RHOBTB3: variants seen among roughly 807,000 people sequenced by gnomAD.
RHOBTB3 encodes the protein Rho related BTB domain containing 3.
Under a neutral mutation model 67.2 loss-of-function variants are expected in RHOBTB3, and 47 were observed. The ratio of observed to expected loss-of-function variants is 0.70; its 90% CI spans 0.55 to 0.89. RHOBTB3 has a LOEUF of 0.89. Among genes scored for constraint, RHOBTB3 ranks in the 40% least tolerant of loss-of-function variants. The pLI, the probability that RHOBTB3 is intolerant of heterozygous loss-of-function variation, is 0.00. For synonymous variants in RHOBTB3, 273 were observed against 274.2 expected (o/e 1.00, Z 0.04); for missense variants, 631 against 750.0 (o/e 0.84, Z 1.85).
In RHOBTB3 at chr5:95,755,466, C is replaced by T; in HGVS notation, c.753C>T (p.Cys251=). 6.2e-7 allele frequency: 1 copy of T among 1,613,410 alleles called. No homozygotes were observed. The highest frequency in any genetic ancestry group is 8.5e-7 in the Non-Finnish European group (1 of 1,179,600). The change falls in exon 6 of 12, where the codon TGC becomes TGT. Residue 251 remains cysteine, a synonymous_variant. Coordinates refer to ENST00000379982, the MANE Select transcript of RHOBTB3 (RefSeq NM_014899.4). ...ACTTAAATAACTTGCTGTTCTGCTGCCAGTGTGTGGACGTGGTATTTTACA... is the reference window on the plus strand; with the variant it reads ...ACTTAAATAACTTGCTGTTCTGCTGTCAGTGTGTGGACGTGGTATTTTACA... The part of the protein sequence containing the change: ...NSDLNNLLFC[C]QCVDVVFYNP...
At chr5:95,725,432 C>G (rs979849877) in intron 1 of RHOBTB3, among the ~76,000 whole-genome samples, 6 of 152,244 alleles carry the variant, frequency 3.9e-5, no homozygotes, top group African/African-American at 1.4e-4. Flanking sequence ...GGCTCATTAT[C>G]TCTGAGGGAA....
At chr5:95,724,019 T>C (rs1031947378) in intron 1 of RHOBTB3, among the ~76,000 whole-genome samples, 4 of 152,262 alleles carry the variant, frequency 2.6e-5, no homozygotes, top group African/African-American at 9.6e-5. Context: ...AATGTATTAA[T>C]GGTGATACGT....
rs2112847987 is a variant in RHOBTB3, at chr5:95,795,105, A to AG, written c.*1931_*1932insG. On this transcript the variant is annotated 3_prime_UTR_variant, in exon 12 of 12. Coordinates refer to ENST00000379982, the MANE Select transcript of RHOBTB3 (RefSeq NM_014899.4). ...TGACAAGAGCGAAACTCCATCTCAAAAAAAAAAAAAAAACCAAAGTGAAAC... is the reference window on the plus strand; with the variant it reads ...TGACAAGAGCGAAACTCCATCTCAAAGAAAAAAAAAAAAACCAAAGTGAAAC... 6.6e-6 allele frequency: 1 copy of AG among 150,430 alleles called. No individual in the cohort carries two copies. Among genetic ancestry groups the AG allele is most frequent in the East Asian group, 1.9e-4 (1 of 5,176 alleles). The allele number at this position is 150,430 out of a possible 1,614,324, so 9.3% of individuals were successfully genotyped here. A position where few individuals can be genotyped will look rare whatever the true frequency, so the allele number is the denominator to read the frequency against.
intron 8 of RHOBTB3, among the ~76,000 whole-genome samples, chr5:95,768,693 C>CT (rs995214814): frequency 4.2e-4 from 64 of 152,350 alleles, no homozygotes; most frequent in African/African-American, 1.4e-3. Context: ...TCCTAGCACT[C>CT]TGAGAATTTT....
At chr5:95,740,556 G>A (rs1295094650) in intron 3 of RHOBTB3, among the ~76,000 whole-genome samples, 3 of 152,206 alleles carry the variant, frequency 2.0e-5, no homozygotes, top group Non-Finnish European at 2.9e-5. Flanking sequence ...AAAAGAATAT[G>A]ACCATGTGAA....
chr5:95,740,062 A>G (rs1755556570), intron 3 of RHOBTB3, among the ~76,000 whole-genome samples: 1 of 152,110 alleles, frequency 6.6e-6, no homozygotes, highest in Non-Finnish European at 1.5e-5. Flanking sequence ...TGCTATTCTC[A>G]TGATAGTGAG....
intron 10 of RHOBTB3, 147 bp downstream of exon 10, chr5:95,784,110 A>T: frequency 1.6e-6 from 1 of 609,376 alleles, no homozygotes; most frequent in East Asian, 3.0e-5. Flanking sequence ...CCTTCACAAC[A>T]GTTTATCTGG....
At chr5:95,732,113 G>A (rs1393448860) in intron 2 of RHOBTB3, 29 bp downstream of exon 2, 1 of 1,600,258 alleles carries the variant, frequency 6.2e-7, no homozygotes, top group Admixed American at 1.7e-5. Flanking sequence ...TCCGCGCTGA[G>A]GCTGAAGAAG....
At chr5:95,768,384 T>G (rs1170938432) in intron 8 of RHOBTB3, among the ~76,000 whole-genome samples, 3 of 152,206 alleles carry the variant, frequency 2.0e-5, no homozygotes, top group African/African-American at 7.2e-5. Flanking sequence ...TAGTATTTTT[T>G]CCTTTGCCAT....
At chr5:95,722,236 A>G (rs1051456840) in intron 1 of RHOBTB3, among the ~76,000 whole-genome samples, 8 of 152,218 alleles carry the variant, frequency 5.3e-5, no homozygotes, top group African/African-American at 1.9e-4. Flanking sequence ...GAAGGCTTTT[A>G]GTACAGTTAA....
intron 2 of RHOBTB3, among the ~76,000 whole-genome samples, chr5:95,735,028 G>T (rs1371463520): frequency 6.6e-6 from 1 of 152,038 alleles, no homozygotes; most frequent in East Asian, 1.9e-4. Flanking sequence ...TATCTCATTT[G>T]TCTTCCTTGT....
chr5:95,784,495 C>G (rs888807), intron 10 of RHOBTB3, among the ~76,000 whole-genome samples: 63,068 of 152,030 alleles, frequency 0.41, 13,321 homozygotes, highest in African/African-American at 0.49. Context: ...TCATGTCTCA[C>G]CTTATTAGCA....
At chr5:95,731,191 C>T, upstream of RHOBTB3, 2 of 1,004,498 alleles carry the variant, frequency 2.0e-6, no homozygotes, top group Non-Finnish European at 2.4e-6. Flanking sequence ...CCGGAGCTCC[C>T]GGGGCCTCCG....
chr5:95,773,119 A>T (rs1262228619), intron 8 of RHOBTB3, among the ~76,000 whole-genome samples: 1 of 152,234 alleles, frequency 6.6e-6, no homozygotes, highest in Admixed American at 6.5e-5. Context: ...TAGCACATGA[A>T]AATATATGTC....
intron 6 of RHOBTB3, 190 bp downstream of exon 6, chr5:95,755,951 T>A: frequency 3.7e-6 from 2 of 545,566 alleles, no homozygotes. Flanking sequence ...TCCTTACAAA[T>A]GTACTTGCCT....
Position 95,780,310 on chromosome 5 carries a change from C to A in RHOBTB3, c.1341C>A (p.Ala447=). The A allele has an allele frequency of 6.2e-7, 1 of 1,613,978 alleles. No homozygotes were observed. The highest frequency in any genetic ancestry group is 1.3e-5 in the African/African-American group (1 of 75,060). The change falls in exon 9 of 12, where the codon GCC becomes GCA. Residue 447 remains alanine (A), a synonymous_variant. Coordinates refer to ENST00000379982, the MANE Select transcript of RHOBTB3 (RefSeq NM_014899.4). ...TGGCCCGTTGTGAAGTGATGGCAGC[C>A]ATGTTTAATGGTAATTACATGGAAG... ...ILVARCEVMA[A]MFNGNYMEAK...
chr5:95,737,224 A>G, intron 3 of RHOBTB3, 149 bp downstream of exon 3: 1 of 573,548 alleles, frequency 1.7e-6, no homozygotes, highest in Admixed American at 3.6e-5. Flanking sequence ...TCATCATTTG[A>G]TACGATAAAA....
intron 3 of RHOBTB3, among the ~76,000 whole-genome samples, chr5:95,744,996 G>A (rs1206375705): frequency 6.6e-6 from 1 of 151,976 alleles, no homozygotes; most frequent in Non-Finnish European, 1.5e-5. Flanking sequence ...ACTTGAGCCT[G>A]GGGGAGGCAG....
At chr5:95,730,791 G>T, upstream of RHOBTB3, 1 of 431,594 alleles carries the variant, frequency 2.3e-6, no homozygotes, top group Non-Finnish European at 4.7e-6. Context: ...TGTGAACAAA[G>T]AACTCTTTCT....
Sources: gnomAD v4.1 joint callset for allele counts (sites outside exome capture counted in the v4.1 genomes callset) on GRCh38, gnomAD v4.1.1 for gene constraint, MANE v1.5 for transcripts, NCBI Gene and HGNC (gene_info 2026-07-23, HGNC 2026-07-21) for gene names.